Variants in POU2AF3 observed in about 807,000 individuals in gnomAD.
The protein encoded by POU2AF3 is POU class 2 homeobox associating factor 3.
chr11:111,306,024 C>T, the POU2AF3 span, among the ~76,000 whole-genome samples: 1 of 152,300 alleles, frequency 6.6e-6, no homozygotes, highest in East Asian at 1.9e-4. Flanking sequence ...ACAACTTTGT[C>T]AGTTACTTCT....
chr11:111,300,005 C>T, the POU2AF3 span: 1 of 397,664 alleles, frequency 2.5e-6, no homozygotes, highest in Non-Finnish European at 4.4e-6. Context: ...GCCCAGAAGC[C>T]ACACCTGGCC....
At chr11:111,298,834 C>A in the POU2AF3 span, 8 of 660,192 alleles carry the variant, frequency 1.2e-5, no homozygotes, top group Non-Finnish European at 1.7e-5. Context: ...AGGCCCCCGC[C>A]CGCCCTCCCA....
chr11:111,300,326 G>A, the POU2AF3 span: 1 of 339,608 alleles, frequency 2.9e-6, no homozygotes, highest in Non-Finnish European at 5.3e-6. Context: ...TTCCTACTGG[G>A]GCTCTGAAAC....
the POU2AF3 span, chr11:111,299,502 C>A: frequency 2.6e-6 from 3 of 1,142,538 alleles, no homozygotes; most frequent in Non-Finnish European, 3.2e-6. Context: ...GCTCAGGGGT[C>A]CCTCCCAGCG....
At chr11:111,299,635 C>G in the POU2AF3 span, 1 of 1,228,726 alleles carries the variant, frequency 8.1e-7, no homozygotes. Context: ...CATCGGGAGC[C>G]CCGGACGGCT....
At chr11:111,299,693 T>C in the POU2AF3 span, 1 of 1,231,318 alleles carries the variant, frequency 8.1e-7, no homozygotes, top group Non-Finnish European at 1.0e-6. Context: ...TCAGTGCGCC[T>C]CGGAGAAACG....
At chr11:111,298,741 C>T in the POU2AF3 span, 2 of 1,095,936 alleles carry the variant, frequency 1.8e-6, no homozygotes, top group East Asian at 6.5e-5. Context: ...GCGAGCCACG[C>T]TGTGGCCGCT....
chr11:111,300,004 C>T, the POU2AF3 span: 3 of 397,650 alleles, frequency 7.5e-6, no homozygotes, highest in Non-Finnish European at 1.3e-5. Context: ...TGCCCAGAAG[C>T]CACACCTGGC....
chr11:111,300,511 A>G, the POU2AF3 span: 6 of 1,211,396 alleles, frequency 5.0e-6, no homozygotes, highest in Non-Finnish European at 6.2e-6. Context: ...CCACTGACTC[A>G]GTTGCCTTTC....
At chr11:111,303,267 A>ACT in the POU2AF3 span, among the ~76,000 whole-genome samples, 1 of 152,200 alleles carries the variant, frequency 6.6e-6, no homozygotes, top group African/African-American at 2.4e-5. Flanking sequence ...AGACACACAC[A>ACT]CACTTGCCTT....
At chr11:111,308,461 A>G in the POU2AF3 span, 1 of 1,522,816 alleles carries the variant, frequency 6.6e-7, no homozygotes, top group East Asian at 2.5e-5. Flanking sequence ...AATTCAGAAC[A>G]TGGCATGGGT....
chr11:111,300,552 C>G, the POU2AF3 span: 1 of 1,231,992 alleles, frequency 8.1e-7, no homozygotes. Flanking sequence ...ATCAAGGTGT[C>G]CGAGTGAAGA....
the POU2AF3 span, among the ~76,000 whole-genome samples, chr11:111,302,565 C>T: frequency 0.7 from 106,036 of 151,966 alleles, 37,206 homozygotes; most frequent in South Asian, 0.82. Flanking sequence ...GTGAGGGTAA[C>T]ACACTTCACT....
the POU2AF3 span, chr11:111,299,682 C>T: frequency 8.1e-7 from 1 of 1,231,362 alleles, no homozygotes; most frequent in Non-Finnish European, 1.0e-6. Context: ...GCCCCGGAGC[C>T]TCAGTGCGCC....
the POU2AF3 span, chr11:111,304,779 A>G: frequency 3.8e-6 from 1 of 261,288 alleles, no homozygotes; most frequent in Non-Finnish European, 6.9e-6. Flanking sequence ...TCAAACATTG[A>G]AAAAAAAAAA....
At chr11:111,298,826 G>GCCGGGGGGCCCCC in the POU2AF3 span, 3 of 790,960 alleles carry the variant, frequency 3.8e-6, no homozygotes, top group Non-Finnish European at 3.4e-6. Flanking sequence ...CGTACCCCAG[G>GCCGGGGGGCCCCC]CCCCCGCCCG....
chr11:111,299,107 G>T, the POU2AF3 span: 1 of 969,314 alleles, frequency 1.0e-6, no homozygotes, highest in Non-Finnish European at 1.2e-6. Flanking sequence ...TGCGGGCGGG[G>T]CACGGGATTC....
At chr11:111,305,036 T>G in the POU2AF3 span, 2 of 1,107,670 alleles carry the variant, frequency 1.8e-6, no homozygotes, top group Non-Finnish European at 2.3e-6. Flanking sequence ...AAAGTCCATC[T>G]CAAAAGTCTT....
the POU2AF3 span, chr11:111,299,992 C>T: frequency 1.0e-4 from 41 of 397,862 alleles, no homozygotes; most frequent in East Asian, 1.4e-3. Context: ...GAGGTCGGAG[C>T]CTGCCCAGAA....
Sources: gnomAD v4.1 joint callset for allele counts (sites outside exome capture counted in the v4.1 genomes callset) on GRCh38, gnomAD v4.1.1 for gene constraint, MANE v1.5 for transcripts, NCBI Gene and HGNC (gene_info 2026-07-23, HGNC 2026-07-21) for gene names.